NMNAT2: variants seen among roughly 807,000 people sequenced by gnomAD.
NMNAT2 encodes the protein nicotinamide nucleotide adenylyltransferase 2.
In NMNAT2, 11 loss-of-function variants were observed where a neutral mutation model predicts 41.6. The observed-to-expected ratio is 0.26, with a 90% CI of 0.17 to 0.44. The LOEUF is 0.44. NMNAT2 is among the 20% of genes least tolerant of loss of function. The pLI is 1.00. For missense variants in NMNAT2, 288 were observed against 407.7 expected, an observed-to-expected ratio of 0.71 and a Z score of 2.53; for synonymous variants, 148 against 151.2, an observed-to-expected ratio of 0.98 and a Z score of 0.16.
chr1:183,256,622 C>T (rs1425436114), intron 10 of NMNAT2, among the ~76,000 whole-genome samples: 2 of 152,172 alleles, frequency 1.3e-5, no homozygotes, highest in African/African-American at 4.8e-5. Flanking sequence ...ATATGTTAAA[C>T]CAGCCTTGTG....
chr1:183,399,587 A>G (rs1392785838), intron 1 of NMNAT2, among the ~76,000 whole-genome samples: 2 of 152,320 alleles, frequency 1.3e-5, no homozygotes, highest in African/African-American at 4.8e-5. Flanking sequence ...CTGATACCAA[A>G]GCCTGGCAGA....
chr1:183,264,565 T>G (rs1034428222), intron 8 of NMNAT2, among the ~76,000 whole-genome samples: 2 of 152,178 alleles, frequency 1.3e-5, no homozygotes, highest in African/African-American at 4.8e-5. Context: ...ACTGTTTTTG[T>G]AGCACCTGTT....
At chr1:183,399,995 A>T (rs1006272737) in intron 1 of NMNAT2, among the ~76,000 whole-genome samples, 88 of 152,186 alleles carry the variant, frequency 5.8e-4, no homozygotes, top group Non-Finnish European at 7.9e-4. Context: ...CCCTTTGAAA[A>T]CTGGCACAAG....
chr1:183,251,464 G>A lies in NMNAT2; in HGVS notation c.*1177C>T, dbSNP rs1051812585. On this transcript the variant is annotated 3_prime_UTR_variant, in exon 11 of 11. Coordinates refer to ENST00000287713, the MANE Select transcript of NMNAT2 (RefSeq NM_015039.4). Reference sequence around the variant, plus strand: ...AACAGACAATACATAATTCCAATTAGCAAAGACCTCCAGGGTTGAGTGGAC... The same window carrying A: ...AACAGACAATACATAATTCCAATTAACAAAGACCTCCAGGGTTGAGTGGAC... 1.3e-5 allele frequency: 2 copies of A among 152,278 alleles called. No individual in the cohort carries two copies. Among genetic ancestry groups the A allele is most frequent in the Admixed American group, 1.3e-4 (2 of 15,286 alleles). The allele number at this position is 152,278 out of a possible 1,614,324, so 9.4% of individuals were successfully genotyped here. A position where few individuals can be genotyped will look rare whatever the true frequency, so the allele number is the denominator to read the frequency against.
At chr1:183,284,866 A>T (rs1661362694) in intron 5 of NMNAT2, 76 bp from the exon 6 acceptor site, 4 of 1,207,360 alleles carry the variant, frequency 3.3e-6, no homozygotes, top group Non-Finnish European at 4.9e-6. Context: ...TCGGCCCGGC[A>T]TTGGGGCCGC....
At chr1:183,382,038 C>A (rs569050341) in intron 1 of NMNAT2, among the ~76,000 whole-genome samples, 2 of 152,192 alleles carry the variant, frequency 1.3e-5, no homozygotes, top group Non-Finnish European at 2.9e-5. Context: ...GAACTACCTG[C>A]GACTGAGTAG....
intron 1 of NMNAT2, among the ~76,000 whole-genome samples, chr1:183,299,908 A>G (rs959240386): frequency 2.0e-5 from 3 of 152,228 alleles, no homozygotes; most frequent in African/African-American, 7.2e-5. Context: ...ATAGTTATAG[A>G]AAATAGAACT....
chr1:183,303,231 A>AGGGGAAGAGGCTAGCTGAGAAGAAGGC (rs1181816470), intron 1 of NMNAT2, among the ~76,000 whole-genome samples: 1 of 152,142 alleles, frequency 6.6e-6, no homozygotes, highest in Non-Finnish European at 1.5e-5. Context: ...TGCAAAACTG[A>AGGGGAAGAGGCTAGCTGAGAAGAAGGC]GGGGAAGAGG....
chr1:183,389,756 GAAAGAAAGAAAGAAAGAAAGAAAGAA>G (rs1557897491), intron 1 of NMNAT2, among the ~76,000 whole-genome samples: 551 of 26,856 alleles, frequency 0.021, 18 homozygotes, highest in Non-Finnish European at 0.026. Flanking sequence ...AAGAAAGAAA[GAAAGAAAGAAAGAAAGAAAGAAAGAA>G]AGAAAGAAAG....
At chr1:183,261,423 C>A in intron 8 of NMNAT2, 120 bp from the exon 9 acceptor site, 1 of 873,062 alleles carries the variant, frequency 1.1e-6, no homozygotes, top group South Asian at 1.5e-5. Flanking sequence ...GCTTTAGTCC[C>A]AAACCGGCCT....
chr1:183,332,126 C>T (rs1378886936), intron 1 of NMNAT2, among the ~76,000 whole-genome samples: 1 of 152,204 alleles, frequency 6.6e-6, no homozygotes, highest in Admixed American at 6.5e-5. Flanking sequence ...AAACCTGTGT[C>T]CTCAGATGCA....
At chr1:183,293,642 A>G (rs1661603265) in intron 2 of NMNAT2, 63 bp downstream of exon 2, 2 of 1,233,880 alleles carry the variant, frequency 1.6e-6, no homozygotes, top group Admixed American at 1.7e-5. Context: ...TCTGCCAGGA[A>G]CTATCAGGCC....
chr1:183,260,981 C>T (rs1294882830), intron 10 of NMNAT2, 21 bp downstream of exon 10: 1 of 1,594,178 alleles, frequency 6.3e-7, no homozygotes, highest in Non-Finnish European at 8.6e-7. Context: ...TAAAGTCTCT[C>T]TGGCCATTTG....
Position 183,418,330 on chromosome 1 carries a change from T to C in NMNAT2, c.-63A>G. The C allele has an allele frequency of 1.3e-6, 2 of 1,503,690 alleles. No individual in the cohort carries two copies. The highest frequency in any genetic ancestry group is 3.4e-5 in the Admixed American group (2 of 59,406). The allele number at this position is 1,503,690 out of a possible 1,614,324, so 93.1% of individuals were successfully genotyped here. ...CTCTCTTTTTGTGTCTCGTTGTGTC[T>C]GCAGAGGGAGAAAGGAAGGCGAGGC... is the stretch of plus-strand genomic sequence containing the variant. On this transcript the variant is annotated 5_prime_UTR_variant, in exon 1 of 11. Coordinates refer to ENST00000287713, the MANE Select transcript of NMNAT2 (RefSeq NM_015039.4).
At chr1:183,372,244 A>G (rs565862120) in intron 1 of NMNAT2, among the ~76,000 whole-genome samples, 1 of 152,358 alleles carries the variant, frequency 6.6e-6, no homozygotes, top group African/African-American at 2.4e-5. Context: ...GGCATTGGCT[A>G]GTGAAAAAAA....
intron 1 of NMNAT2, among the ~76,000 whole-genome samples, chr1:183,311,722 TACACACACACACACACACACACACAC>T: frequency 6.9e-6 from 1 of 144,310 alleles, no homozygotes; most frequent in South Asian, 2.3e-4. Flanking sequence ...GTCCAGTCCC[TACACACACACACACACACACACACAC>T]ACACACACAC....
intron 8 of NMNAT2, among the ~76,000 whole-genome samples, chr1:183,275,199 G>A (rs1231458384): frequency 6.6e-6 from 1 of 152,190 alleles, no homozygotes; most frequent in Admixed American, 6.5e-5. Context: ...AATAATGGCT[G>A]AGACTAAAAT....
intron 1 of NMNAT2, among the ~76,000 whole-genome samples, chr1:183,413,630 G>T (rs1375907012): frequency 2.2e-5 from 3 of 134,420 alleles, no homozygotes; most frequent in Admixed American, 7.7e-5. Flanking sequence ...TTTTTGAGAC[G>T]GAGTCTCGCT....
At chr1:183,404,671 T>C (rs1250648665) in intron 1 of NMNAT2, among the ~76,000 whole-genome samples, 2 of 152,148 alleles carry the variant, frequency 1.3e-5, no homozygotes, top group Non-Finnish European at 2.9e-5. Flanking sequence ...AGGCCCCTCA[T>C]GATGTGAGAA....
Sources: allele counts gnomAD v4.1 joint callset (sites outside exome capture counted in the v4.1 genomes callset), GRCh38; gene constraint gnomAD v4.1.1; transcripts MANE v1.5; gene names NCBI Gene and HGNC (gene_info 2026-07-23, HGNC 2026-07-21).